Variants in TEAD1 observed in about 807,000 individuals in gnomAD.
The protein encoded by TEAD1 is TEA domain transcription factor 1.
A neutral mutation model predicts 54.9 loss-of-function variants in TEAD1; 9 were observed. That is an observed-to-expected ratio of 0.16 (90% CI 0.10 to 0.29). The LOEUF is 0.29. Among genes scored for constraint, TEAD1 ranks in the 10% least tolerant of loss-of-function variants. The probability of loss-of-function intolerance (pLI) is 1.00; values close to 1 mark genes in which losing one functional copy is unlikely to be tolerated. For missense variants in TEAD1, 387 were observed against 535.9 expected (o/e 0.72, Z 2.74); for synonymous variants, 200 against 187.8 (o/e 1.07, Z -0.53).
chr11:12,821,103 A>G (rs1175335305), intron 3 of TEAD1, among the ~76,000 whole-genome samples: 3 of 152,338 alleles, frequency 2.0e-5, no homozygotes, highest in Middle Eastern at 3.4e-3. Flanking sequence ...TTCAAGAAGC[A>G]GAGCCCCATT....
intron 3 of TEAD1, among the ~76,000 whole-genome samples, chr11:12,827,757 C>T (rs1946686728): frequency 6.6e-6 from 1 of 152,164 alleles, no homozygotes; most frequent in South Asian, 2.1e-4. Flanking sequence ...CATCTTTTGA[C>T]ACTGGTGATA....
intron 5 of TEAD1, among the ~76,000 whole-genome samples, chr11:12,872,016 C>T (rs1947756417): frequency 6.6e-6 from 1 of 152,174 alleles, no homozygotes; most frequent in Non-Finnish European, 1.5e-5. Context: ...CTTGTTCTCG[C>T]CCTGGTGGCC....
chr11:12,801,661 G>C (rs1946062413), intron 3 of TEAD1, among the ~76,000 whole-genome samples: 1 of 152,230 alleles, frequency 6.6e-6, no homozygotes, highest in South Asian at 2.1e-4. Context: ...CAAAGCCCAT[G>C]CTCTTAGGTG....
intron 2 of TEAD1, among the ~76,000 whole-genome samples, chr11:12,689,973 G>A (rs1943419956): frequency 6.6e-6 from 1 of 152,080 alleles, no homozygotes. Flanking sequence ...GGGCACGGTG[G>A]CTCACTCCTG....
chr11:12,699,717 C>T (rs190142651), intron 2 of TEAD1, among the ~76,000 whole-genome samples: 17 of 152,236 alleles, frequency 1.1e-4, no homozygotes, highest in Admixed American at 1.1e-3. Flanking sequence ...TCTAGAAAAC[C>T]TCTGGTACAT....
chr11:12,788,024 T>C (rs1236347648), intron 3 of TEAD1, among the ~76,000 whole-genome samples: 1 of 150,804 alleles, frequency 6.6e-6, no homozygotes, highest in Non-Finnish European at 1.5e-5. Context: ...GTGCAATGAC[T>C]CAGTCTCAGC....
intron 2 of TEAD1, among the ~76,000 whole-genome samples, chr11:12,717,566 T>A (rs1270372325): frequency 6.6e-6 from 1 of 152,150 alleles, no homozygotes; most frequent in East Asian, 1.9e-4. Flanking sequence ...TTTGCCTTAA[T>A]ACACGATCTT....
At position 12,902,293 on chromosome 11, in the gene TEAD1, C is replaced by A. The variant is rs180755236; in HGVS notation, c.873+180C>A. Among the ~76,000 whole-genome samples the A allele has an allele frequency of 4.3e-3, 655 of 152,374 alleles. 2 individuals are homozygous for A. Among genetic ancestry groups the A allele is most frequent in the Non-Finnish European group, 6.9e-3 (469 of 68,038 alleles). The stretch of plus-strand genomic sequence containing the variant: ...GAACTGTCCTCATGCCGGCCTTATG[C>A]ATCCACATGGTGCACCTGGGTGACA... On this transcript the variant is annotated intron_variant, in intron 10 of 12. Coordinates refer to ENST00000527636, the MANE Select transcript of TEAD1 (RefSeq NM_021961.6).
chr11:12,775,164 T>C (rs758338431), intron 3 of TEAD1, among the ~76,000 whole-genome samples: 1 of 152,136 alleles, frequency 6.6e-6, no homozygotes. Flanking sequence ...GTTAGAGGGC[T>C]GTGTGGTTAA....
intron 3 of TEAD1, among the ~76,000 whole-genome samples, chr11:12,769,009 G>A (rs940443690): frequency 5.9e-5 from 9 of 152,156 alleles, no homozygotes; most frequent in African/African-American, 2.2e-4. Context: ...TAGTGGCCAG[G>A]AGGATGTCTG....
At chr11:12,710,329 T>TA (rs980519453) in intron 2 of TEAD1, among the ~76,000 whole-genome samples, 22 of 151,720 alleles carry the variant, frequency 1.5e-4, no homozygotes, top group African/African-American at 2.9e-4. Context: ...GTCTCAAAAT[T>TA]AAAAAAAACC....
intron 3 of TEAD1, among the ~76,000 whole-genome samples, chr11:12,813,719 C>T (rs1035874308): frequency 2.6e-5 from 4 of 152,210 alleles, no homozygotes; most frequent in African/African-American, 9.6e-5. Context: ...ACACACTTGG[C>T]TCACAGTGGG....
intron 3 of TEAD1, among the ~76,000 whole-genome samples, chr11:12,850,010 A>T (rs1447650376): frequency 6.6e-6 from 1 of 152,240 alleles, no homozygotes; most frequent in Non-Finnish European, 1.5e-5. Context: ...CAATAGAAGC[A>T]TCATGGGTTT....
At chr11:12,737,884 A>G (rs905802795) in intron 2 of TEAD1, among the ~76,000 whole-genome samples, 1 of 152,232 alleles carries the variant, frequency 6.6e-6, no homozygotes, top group African/African-American at 2.4e-5. Context: ...ACAAAGAAAA[A>G]GAGGTTTAAT....
intron 5 of TEAD1, among the ~76,000 whole-genome samples, chr11:12,874,024 C>G (rs1947806663): frequency 6.7e-6 from 1 of 149,718 alleles, no homozygotes; most frequent in South Asian, 2.3e-4. Context: ...TTTGACTTTA[C>G]TATTTTTTCT....
chr11:12,782,415 C>T (rs891347874), intron 3 of TEAD1, among the ~76,000 whole-genome samples: 11 of 152,008 alleles, frequency 7.2e-5, no homozygotes, highest in African/African-American at 2.4e-4. Context: ...ACGAAATGCC[C>T]GGAATAGGTC....
intron 3 of TEAD1, among the ~76,000 whole-genome samples, chr11:12,849,870 G>C (rs1047975731): frequency 6.6e-6 from 1 of 152,096 alleles, no homozygotes. Context: ...TGTTAAGATA[G>C]TGCCCTCTTA....
In TEAD1 at chr11:12,738,001, C is replaced by T. The variant is rs574753420; in HGVS notation, c.-54-26178C>T. 9.2e-5 allele frequency among the ~76,000 whole-genome samples: 14 copies of T among 152,168 alleles called. No homozygotes were observed. The East Asian group carries it at 2.5e-3, about 27-fold the overall frequency. On this transcript the variant is annotated intron_variant, in intron 2 of 12. Coordinates refer to ENST00000527636, the MANE Select transcript of TEAD1 (RefSeq NM_021961.6). Reference sequence around the variant, plus strand: ...ATGAGAGCCAAGCAAAAGGGGAAACCCCTTATATAAAACCGTCGGATCTCA... The same window carrying T: ...ATGAGAGCCAAGCAAAAGGGGAAACTCCTTATATAAAACCGTCGGATCTCA...
intron 2 of TEAD1, among the ~76,000 whole-genome samples, chr11:12,690,670 T>A (rs1451549156): frequency 6.6e-6 from 1 of 152,236 alleles, no homozygotes; most frequent in Non-Finnish European, 1.5e-5. Context: ...GTGTCACTTT[T>A]TCTGTGATGT....
Sources: gnomAD v4.1 joint callset for allele counts (sites outside exome capture counted in the v4.1 genomes callset) on GRCh38, gnomAD v4.1.1 for gene constraint, MANE v1.5 for transcripts, NCBI Gene and HGNC (gene_info 2026-07-23, HGNC 2026-07-21) for gene names.